Variants in DPYD observed in about 807,000 individuals in gnomAD.
The protein encoded by DPYD is dihydropyrimidine dehydrogenase [NADP(+)].
A neutral mutation model predicts 116.2 loss-of-function variants in DPYD; 109 were observed. That is an observed-to-expected ratio of 0.94 (90% confidence interval 0.80 to 1.10). The LOEUF is 1.10. Ranked by LOEUF, DPYD falls within the 50% of genes least tolerant of loss-of-function variation. The pLI is 0.00. For synonymous variants in DPYD, 440 were observed against 432.0 expected (o/e 1.02, Z -0.23); for missense variants, 1,302 against 1,254.5 (o/e 1.04, Z -0.57).
At chr1:97,451,914 G>A (rs946970839) in intron 13 of DPYD, among the ~76,000 whole-genome samples, 1 of 151,996 alleles carries the variant, frequency 6.6e-6, no homozygotes, top group South Asian at 2.1e-4. Context: ...GTCCAACCTA[G>A]GCCACAAGTT....
At chr1:97,889,571 T>A (rs1672674248) in intron 1 of DPYD, among the ~76,000 whole-genome samples, 1 of 151,942 alleles carries the variant, frequency 6.6e-6, no homozygotes, top group Non-Finnish European at 1.5e-5. Flanking sequence ...CAGGAAAATA[T>A]AACAATTATA....
intron 19 of DPYD, among the ~76,000 whole-genome samples, chr1:97,229,806 A>ACTTT (rs1380446547): frequency 2.0e-5 from 3 of 151,906 alleles, no homozygotes; most frequent in Non-Finnish European, 4.4e-5. Flanking sequence ...CTATGTGTGA[A>ACTTT]ACTTTACATT....
chr1:97,388,689 T>C (rs4950031), intron 14 of DPYD, among the ~76,000 whole-genome samples: 1 of 152,066 alleles, frequency 6.6e-6, no homozygotes, highest in Non-Finnish European at 1.5e-5. Flanking sequence ...GAATAGAATA[T>C]GAAGAAGTAG....
In DPYD at chr1:97,676,173, G is replaced by GT. The variant is rs1660134816; in HGVS notation, c.850+2921dup. On this transcript the variant is annotated intron_variant, in intron 8 of 22. Transcript: ENST00000370192. The stretch of plus-strand genomic sequence containing the variant: ...CAAATACTAATGATGATGCACACCT[G>GT]TAACAGAGACTTTCATTTCTATCCT... Among the ~76,000 whole-genome samples, 4 of 152,198 alleles carry GT rather than the reference G, an allele frequency of 2.6e-5. No individual in the cohort carries two copies. In the South Asian group the frequency reaches 6.2e-4, roughly 24 times the overall value.
chr1:97,908,582 A>T (rs941081539), intron 1 of DPYD, among the ~76,000 whole-genome samples: 22 of 151,972 alleles, frequency 1.4e-4, no homozygotes, highest in African/African-American at 5.3e-4. Flanking sequence ...TTTACTCACC[A>T]TCTCACCACC....
At chr1:97,845,177 C>T (rs1017865493) in intron 2 of DPYD, among the ~76,000 whole-genome samples, 3 of 152,224 alleles carry the variant, frequency 2.0e-5, no homozygotes, top group African/African-American at 7.2e-5. Context: ...GCCCCACCTT[C>T]AAGCCAGGGA....
intron 10 of DPYD, among the ~76,000 whole-genome samples, chr1:97,582,362 TAC>T (rs1423108593): frequency 6.6e-6 from 1 of 152,242 alleles, no homozygotes; most frequent in East Asian, 1.9e-4. Flanking sequence ...TAAAGTTTGA[TAC>T]AGAGTGATAT....
intron 14 of DPYD, chr1:97,394,136 GTTGT>G (rs762645223): frequency 6.6e-6 from 1 of 152,032 alleles, no homozygotes; most frequent in South Asian, 2.1e-4. Context: ...TTTTGATGGG[GTTGT>G]TTGATTTTTT....
At chr1:97,591,902 A>G (rs1654547170) in intron 10 of DPYD, among the ~76,000 whole-genome samples, 2 of 152,258 alleles carry the variant, frequency 1.3e-5, no homozygotes, top group East Asian at 1.9e-4. Flanking sequence ...GGAAAAAAAA[A>G]AAAGAAACCT....
At chr1:97,162,626 A>T (rs560340610) in intron 20 of DPYD, among the ~76,000 whole-genome samples, 4,253 of 151,982 alleles carry the variant, frequency 0.028, 155 homozygotes, top group African/African-American at 0.09. Flanking sequence ...ATTGGAAAAA[A>T]CTACTTTAAA....
intron 14 of DPYD, among the ~76,000 whole-genome samples, chr1:97,390,158 C>A (rs1390578765): frequency 6.6e-6 from 1 of 152,048 alleles, no homozygotes; most frequent in East Asian, 1.9e-4. Flanking sequence ...ATTGACAATG[C>A]TATTTTGGTA....
intron 19 of DPYD, among the ~76,000 whole-genome samples, chr1:97,214,779 G>A (rs913979501): frequency 6.6e-6 from 1 of 152,186 alleles, no homozygotes; most frequent in Admixed American, 6.5e-5. Flanking sequence ...TGGCTGTCTT[G>A]TCTCACTGAA....
chr1:97,440,358 G>A (rs1057276125), intron 14 of DPYD, among the ~76,000 whole-genome samples: 3 of 151,168 alleles, frequency 2.0e-5, no homozygotes, highest in African/African-American at 7.3e-5. Context: ...TTAATGGTTA[G>A]GTTTAACTCT....
chr1:97,604,295 C>A (rs1655443954), intron 8 of DPYD, among the ~76,000 whole-genome samples: 2 of 152,038 alleles, frequency 1.3e-5, no homozygotes, highest in South Asian at 4.1e-4. Flanking sequence ...AAATGAGAAG[C>A]TACAAAACCG....
At chr1:97,114,724 G>T (rs1451913184) in intron 20 of DPYD, among the ~76,000 whole-genome samples, 3 of 152,140 alleles carry the variant, frequency 2.0e-5, no homozygotes, top group East Asian at 3.9e-4. Flanking sequence ...CCAATAGTCT[G>T]AGGAAAGCAG....
chr1:97,810,322 A>AATAAAAAGG (rs1221697755), intron 3 of DPYD, among the ~76,000 whole-genome samples: 1 of 151,384 alleles, frequency 6.6e-6, no homozygotes, highest in Non-Finnish European at 1.5e-5. Context: ...ATCAACGGGA[A>AATAAAAAGG]ATAAAAAGGG....
chr1:97,618,301 T>A (rs1037928118), intron 8 of DPYD, among the ~76,000 whole-genome samples: 5 of 151,706 alleles, frequency 3.3e-5, no homozygotes, highest in African/African-American at 1.2e-4. Flanking sequence ...ACAAAAAAAA[T>A]CACAGGCATA....
intron 8 of DPYD, among the ~76,000 whole-genome samples, chr1:97,595,376 C>T (rs554757881): frequency 1.3e-5 from 2 of 151,860 alleles, no homozygotes; most frequent in East Asian, 1.9e-4. Flanking sequence ...AAGTACACAT[C>T]GTAAATCACA....
intron 1 of DPYD, among the ~76,000 whole-genome samples, chr1:97,887,285 C>T (rs1220951706): frequency 1.3e-5 from 2 of 151,522 alleles, no homozygotes; most frequent in Non-Finnish European, 2.9e-5. Flanking sequence ...GCCTGGGCAA[C>T]ACAGTGAATC....
Sources: allele counts gnomAD v4.1 joint callset (sites outside exome capture counted in the v4.1 genomes callset), GRCh38; gene constraint gnomAD v4.1.1; transcripts MANE v1.5; gene names NCBI Gene and HGNC (gene_info 2026-07-23, HGNC 2026-07-21).